The following LRRC75A variants were observed in gnomAD, a reference collection of about 807,000 sequenced individuals.
LRRC75A encodes the protein leucine-rich repeat-containing protein 75A.
In LRRC75A, 12 loss-of-function variants were observed where a neutral mutation model predicts 26.0. The observed-to-expected ratio is 0.46, with a 90% CI of 0.30 to 0.75. The LOEUF (loss-of-function observed/expected upper bound fraction) is 0.75. Ranked by LOEUF, LRRC75A falls within the 30% of genes least tolerant of loss-of-function variation. The pLI is 0.08. For missense variants in LRRC75A, 410 were observed against 486.6 expected, an observed-to-expected ratio of 0.84 and a Z score of 1.48; for synonymous variants, 223 against 219.3, an observed-to-expected ratio of 1.02 and a Z score of -0.15.
intron 1 of LRRC75A, among the ~76,000 whole-genome samples, chr17:16,466,283 A>G (rs1433613490): frequency 1.3e-5 from 2 of 152,210 alleles, no homozygotes; most frequent in African/African-American, 4.8e-5. Context: ...AGCCTGGGCC[A>G]CAGCCCTGGG....
chr17:16,461,491 G>T (rs1475100137), intron 2 of LRRC75A, among the ~76,000 whole-genome samples: 1 of 152,258 alleles, frequency 6.6e-6, no homozygotes, highest in African/African-American at 2.4e-5. Context: ...CCCTGGGGGA[G>T]CCTAGACCTG....
rs1455996066 is a variant in LRRC75A, at chr17:16,443,409, G to A, written c.*179C>T. The A allele has an allele frequency of 2.1e-5, 12 of 570,252 alleles. No homozygotes were observed. The highest frequency in any genetic ancestry group is 2.0e-4 in the East Asian group (7 of 34,868). The allele number at this position is 570,252 out of a possible 1,614,324, so 35.3% of individuals were successfully genotyped here. On this transcript the variant is annotated 3_prime_UTR_variant, in exon 4 of 4. Transcript: ENST00000470794. ...TAGGGGGCAGATGCAGAGGACCAAC[G>A]GGAAGTTTTAACACAAATCCCCTTC...
chr17:16,448,002 G>A (rs917715438), intron 2 of LRRC75A, 42 bp from the exon 3 acceptor site: 2 of 1,504,922 alleles, frequency 1.3e-6, no homozygotes, highest in African/African-American at 1.4e-5. Context: ...GAGTGGCTGG[G>A]TGCACCAGTC....
chr17:16,462,515 G>A lies in LRRC75A; in HGVS notation c.247-129C>T, dbSNP rs2093735815. ...CCCAGAGCCCCGGTGGGGAGCATCT[G>A]CAGAACTTCCCTCAGGGGCTGGGGC... On this transcript the variant is annotated intron_variant, in intron 1 of 3. Coordinates refer to ENST00000470794, the MANE Select transcript of LRRC75A (RefSeq NM_001113567.3). The surrounding 1 kb of genome is among the most constrained non-coding windows in gnomAD (Gnocchi z 4.6). 8.0e-7 allele frequency: 1 copy of A among 1,253,944 alleles called. No homozygotes were observed. The highest frequency in any genetic ancestry group is 1.5e-5 in the South Asian group (1 of 68,328). 77.7% of individuals were successfully genotyped at this position (1,253,944 alleles called of 1,614,324 possible).
chr17:16,466,772 T>C (rs900600565), intron 1 of LRRC75A, among the ~76,000 whole-genome samples: 2 of 151,974 alleles, frequency 1.3e-5, no homozygotes, highest in Non-Finnish European at 2.9e-5. Context: ...CTCGCTGCAA[T>C]GGGAAGAGAT....
At chr17:16,459,001 C>T (rs1018797614) in intron 2 of LRRC75A, among the ~76,000 whole-genome samples, 8 of 152,232 alleles carry the variant, frequency 5.3e-5, no homozygotes, top group African/African-American at 1.9e-4. Flanking sequence ...TCTGGCAATA[C>T]AGCTTGTCCT....
At chr17:16,457,817 AC>A (rs1217516823) in intron 2 of LRRC75A, among the ~76,000 whole-genome samples, 2 of 142,924 alleles carry the variant, frequency 1.4e-5, no homozygotes, top group Non-Finnish European at 3.1e-5. Flanking sequence ...AAAAAAAAAA[AC>A]AAAAAATTAG....
At position 16,474,991 on chromosome 17, in the gene LRRC75A, G is replaced by A. The variant is rs376885292; in HGVS notation, c.247-12605C>T. On this transcript the variant is annotated intron_variant, in intron 1 of 3. Transcript: ENST00000470794. ...AGCCTGGGCAACGGTGCAAGACTCC[G>A]TCTCAAAAAAAAAAAAAAAAGAGAG... 2.3e-3 allele frequency among the ~76,000 whole-genome samples: 329 copies of A among 141,846 alleles called. 2 individuals are homozygous for A. The highest frequency in any genetic ancestry group is 0.011 in the Middle Eastern group (3 of 284). The allele number at this position is 141,846 out of a possible 152,430, so 93.1% of individuals were successfully genotyped here. A position where few individuals can be genotyped will look rare whatever the true frequency, so the allele number is the denominator to read the frequency against.
intron 1 of LRRC75A, among the ~76,000 whole-genome samples, chr17:16,490,620 A>C (rs2093855315): frequency 6.6e-6 from 1 of 152,164 alleles, no homozygotes; most frequent in Non-Finnish European, 1.5e-5. Flanking sequence ...AAGGTGGGGA[A>C]GAGTGCTGCA....
chr17:16,487,429 C>T (rs1212142637), intron 1 of LRRC75A, among the ~76,000 whole-genome samples: 2 of 152,202 alleles, frequency 1.3e-5, no homozygotes, highest in African/African-American at 4.8e-5. Context: ...CTGTCCATTG[C>T]TCAGCTCCAC....
At chr17:16,485,189 A>G (rs2093843639) in intron 1 of LRRC75A, among the ~76,000 whole-genome samples, 1 of 151,976 alleles carries the variant, frequency 6.6e-6, no homozygotes, top group Non-Finnish European at 1.5e-5. Context: ...GCCCTCTCCT[A>G]CCTCCATTCC....
At chr17:16,449,939 A>G (rs554985414) in intron 2 of LRRC75A, among the ~76,000 whole-genome samples, 1 of 152,262 alleles carries the variant, frequency 6.6e-6, no homozygotes, top group South Asian at 2.1e-4. Context: ...TTAAGAGCAG[A>G]TGGGTTAGTG....
At chr17:16,473,270 G>A (rs950828267) in intron 1 of LRRC75A, among the ~76,000 whole-genome samples, 21 of 152,110 alleles carry the variant, frequency 1.4e-4, no homozygotes, top group African/African-American at 5.1e-4. Context: ...TTAAGAGCCC[G>A]AGGCACACTG....
At chr17:16,467,155 T>C (rs2093775829) in intron 1 of LRRC75A, among the ~76,000 whole-genome samples, 1 of 152,176 alleles carries the variant, frequency 6.6e-6, no homozygotes, top group East Asian at 1.9e-4. Flanking sequence ...ACTTGTGAAC[T>C]TGTTATTTTT....
chr17:16,443,574 C>T lies in LRRC75A; in HGVS notation c.*14G>A. 6.7e-7 allele frequency: 1 copy of T among 1,500,530 alleles called. No individual in the cohort carries two copies. The allele number at this position is 1,500,530 out of a possible 1,614,324, so 93.0% of individuals were successfully genotyped here. A position where few individuals can be genotyped will look rare whatever the true frequency, so the allele number is the denominator to read the frequency against. On this transcript the variant is annotated 3_prime_UTR_variant, in exon 4 of 4. Transcript: ENST00000470794. ...CCCAACAAGGACTCCCTGGTGAGGC[C>T]CTTCACTTCCATGTCACGTCTGAGC...
intron 1 of LRRC75A, among the ~76,000 whole-genome samples, chr17:16,471,386 C>T (rs1457026750): frequency 3.3e-5 from 5 of 152,176 alleles, no homozygotes; most frequent in East Asian, 1.9e-4. Flanking sequence ...TCATTGGTTA[C>T]GGCAGCCCCA....
At chr17:16,483,728 A>G (rs1191589905) in intron 1 of LRRC75A, among the ~76,000 whole-genome samples, 1 of 152,126 alleles carries the variant, frequency 6.6e-6, no homozygotes, top group African/African-American at 2.4e-5. Context: ...GCTCCCAGTG[A>G]AGCCAGCCTC....
chr17:16,444,177 CT>C lies in LRRC75A; in HGVS notation c.492-47del, dbSNP rs1187897729. On this transcript the variant is annotated intron_variant, in intron 3 of 3. Transcript: ENST00000470794. ...CAAGGCTCAGGCACATAGGGCAGGC[CT>C]TTCCCCCAGAAGCTGCAGTGCCAGC... 4 of 1,470,634 alleles carry C rather than the reference CT, an allele frequency of 2.7e-6. No homozygotes were observed. The South Asian group carries it at 4.0e-5, about 15-fold the overall frequency. 91.1% of individuals were successfully genotyped at this position (1,470,634 alleles called of 1,614,324 possible).
At chr17:16,447,277 A>C (rs1418523934) in intron 3 of LRRC75A, among the ~76,000 whole-genome samples, 1 of 152,026 alleles carries the variant, frequency 6.6e-6, no homozygotes, top group Non-Finnish European at 1.5e-5. Context: ...GACCAGGGAC[A>C]GGGCTGGGGT....
Sources: gnomAD v4.1 joint callset for allele counts (sites outside exome capture counted in the v4.1 genomes callset) on GRCh38, gnomAD v4.1.1 for gene constraint, Gnocchi (gnomAD v3.1) non-coding constraint, MANE v1.5 for transcripts, NCBI Gene and HGNC (gene_info 2026-07-23, HGNC 2026-07-21) for gene names.